Variants in SYNE2 observed in about 807,000 individuals in gnomAD.
SYNE2 encodes nesprin-2.
In SYNE2, 431 loss-of-function variants were observed where a neutral mutation model predicts 856.3. The ratio of observed to expected loss-of-function variants is 0.50; its 90% confidence interval spans 0.47 to 0.55. SYNE2 has a LOEUF of 0.55. SYNE2 is among the 20% of genes least tolerant of loss of function. SYNE2 has a pLI of 0.00. For missense variants in SYNE2, 8,129 were observed against 8,023.2 expected, an observed-to-expected ratio of 1.01 and a Z score of -0.50; for synonymous variants, 2,923 against 2,872.3, an observed-to-expected ratio of 1.02 and a Z score of -0.56.
chr14:63,780,053 T>C (rs572719258), intron 1 of SYNE2, among the ~76,000 whole-genome samples: 5 of 152,208 alleles, frequency 3.3e-5, no homozygotes, highest in African/African-American at 9.7e-5. Context: ...CCCAAGATCA[T>C]AGGACACATG....
chr14:63,818,768 G>A (rs1254701113), intron 1 of SYNE2, among the ~76,000 whole-genome samples: 7 of 144,740 alleles, frequency 4.8e-5, no homozygotes, highest in African/African-American at 7.6e-5. Flanking sequence ...GCTCGATCTC[G>A]GCTCACTGCA....
chr14:63,990,705 T>C, intron 20 of SYNE2, 136 bp downstream of exon 20: 1 of 860,506 alleles, frequency 1.2e-6, no homozygotes, highest in East Asian at 2.6e-5. Context: ...TATGTTTTAT[T>C]TCTTTATAAT....
chr14:64,139,514 C>T lies in SYNE2; in HGVS notation c.14844-427C>T, dbSNP rs1364324513. On this transcript the variant is annotated intron_variant, in intron 79 of 115. Transcript: ENST00000555002. ...GCAACCTCCACCTCTTGGGTTCAGGCGATTCTCCTGCCTCAGCCTCCTGAG... is the reference window on the plus strand; with the variant it reads ...GCAACCTCCACCTCTTGGGTTCAGGTGATTCTCCTGCCTCAGCCTCCTGAG... Among the ~76,000 whole-genome samples the T allele has an allele frequency of 7.2e-5, 11 of 151,904 alleles. 1 individual carries two copies. Among genetic ancestry groups the T allele is most frequent in the South Asian group, 4.2e-4 (2 of 4,804 alleles).
chr14:63,823,060 T>C (rs1221434784), intron 1 of SYNE2, among the ~76,000 whole-genome samples: 1 of 151,586 alleles, frequency 6.6e-6, no homozygotes, highest in Non-Finnish European at 1.5e-5. Flanking sequence ...GCTATGACCA[T>C]GCTACTGCAC....
chr14:64,131,148 T>A (rs1046348398), intron 76 of SYNE2, among the ~76,000 whole-genome samples: 6 of 152,106 alleles, frequency 3.9e-5, no homozygotes, highest in Admixed American at 6.5e-5. Context: ...GAAAGGTAAA[T>A]ATTGTATGAA....
chr14:64,131,935 G>GT (rs1045746917), intron 76 of SYNE2, among the ~76,000 whole-genome samples: 31 of 150,182 alleles, frequency 2.1e-4, no homozygotes, highest in Admixed American at 3.3e-4. Context: ...TTTGTTTTTT[G>GT]TTTTTTTTTC....
At chr14:64,193,529 G>C (rs529035785) in intron 99 of SYNE2, among the ~76,000 whole-genome samples, 2 of 151,904 alleles carry the variant, frequency 1.3e-5, no homozygotes, top group South Asian at 4.2e-4. Flanking sequence ...CAACCTGGGT[G>C]ACAGAGCGAA....
rs1400210235 is a variant in SYNE2 at position 64,002,949 on chromosome 14, C to T, written c.4016C>T (p.Ala1339Val). 7.4e-6 allele frequency: 12 copies of T among 1,614,210 alleles called. No individual in the cohort carries two copies. The highest frequency in any genetic ancestry group is 1.6e-4 in the Middle Eastern group (1 of 6,062). The change falls in exon 30 of 116, where the codon GCT becomes GTT. Residue 1339 changes from alanine to valine, a missense_variant. By Grantham distance (64) the Ala-to-Val change is moderately conservative (BLOSUM62 0). Transcript: ENST00000555002. ...TCTCTCAGAACAGCTAAACTCTCTG[C>T]TGAGCCCGTTACAGACCTTTCAGCC... ...LASLRTAKLS[A>V]EPVTDLSASD...
Position 64,160,932 on chromosome 14 carries a change from G to T in SYNE2, c.16095-1140G>T, listed in dbSNP as rs372111424. Among the ~76,000 whole-genome samples the T allele has an allele frequency of 5.8e-4, 88 of 151,790 alleles. No individual in the cohort carries two copies. In the East Asian group the frequency reaches 0.01, roughly 18 times the overall value. On this transcript the variant is annotated intron_variant, in intron 87 of 115. Transcript: ENST00000555002. ...CATACTAAACAGGAATTAAACTAAG[G>T]AATTTAGCAATTAAACTAAGGAAAC...
upstream of SYNE2, among the ~76,000 whole-genome samples, chr14:63,761,627 A>G (rs1334594960): frequency 6.6e-6 from 1 of 152,186 alleles, no homozygotes; most frequent in Non-Finnish European, 1.5e-5. Context: ...CTTCAGGTAT[A>G]GGGAGAATAC....
chr14:63,885,551 A>G (rs1180041288), intron 1 of SYNE2, among the ~76,000 whole-genome samples: 1 of 152,132 alleles, frequency 6.6e-6, no homozygotes, highest in Non-Finnish European at 1.5e-5. Context: ...TTAATTCTGG[A>G]CCATTTAACT....
intron 2 of SYNE2, among the ~76,000 whole-genome samples, chr14:63,936,068 T>C (rs2095827777): frequency 6.6e-6 from 1 of 152,106 alleles, no homozygotes; most frequent in South Asian, 2.1e-4. Flanking sequence ...AGAGATGGGG[T>C]TTCACCATGT....
intron 70 of SYNE2, among the ~76,000 whole-genome samples, chr14:64,123,426 A>G (rs544742727): frequency 6.6e-6 from 1 of 152,354 alleles, no homozygotes; most frequent in East Asian, 1.9e-4. Flanking sequence ...CCAGTCTGAT[A>G]GGACTTCTCA....
chr14:63,957,877 A>C (rs1011028281), intron 8 of SYNE2, among the ~76,000 whole-genome samples: 1 of 152,000 alleles, frequency 6.6e-6, no homozygotes, highest in Non-Finnish European at 1.5e-5. Context: ...CAGACTTGGG[A>C]GAGTTATGCT....
At chr14:64,175,190 A>G in intron 95 of SYNE2, 52 bp downstream of exon 95, 1 of 1,599,380 alleles carries the variant, frequency 6.3e-7, no homozygotes, top group East Asian at 2.2e-5. Flanking sequence ...CAGTACATAG[A>G]TTTTCATTTG....
chr14:63,930,666 C>T (rs1028061145), intron 2 of SYNE2, among the ~76,000 whole-genome samples: 1 of 151,886 alleles, frequency 6.6e-6, no homozygotes, highest in African/African-American at 2.4e-5. Flanking sequence ...TCCCAAGTAG[C>T]TGGGATTACA....
intron 1 of SYNE2, among the ~76,000 whole-genome samples, chr14:63,826,080 T>C (rs934052900): frequency 6.6e-6 from 1 of 152,050 alleles, no homozygotes; most frequent in Non-Finnish European, 1.5e-5. Context: ...GAACCCAGAA[T>C]AGTGAAAGCA....
intron 1 of SYNE2, among the ~76,000 whole-genome samples, chr14:63,822,578 A>G (rs994188978): frequency 6.6e-6 from 1 of 152,236 alleles, no homozygotes; most frequent in African/African-American, 2.4e-5. Context: ...TAAAAAGGAA[A>G]ACTGTGGAAT....
intron 88 of SYNE2, chr14:64,162,591 G>T: frequency 2.5e-6 from 1 of 404,716 alleles, no homozygotes; most frequent in Non-Finnish European, 4.7e-6. Flanking sequence ...TCTCAACTGA[G>T]TGTGACCCTG....
Sources: gnomAD v4.1 joint callset for allele counts (sites outside exome capture counted in the v4.1 genomes callset) on GRCh38, gnomAD v4.1.1 for gene constraint, MANE v1.5 for transcripts, NCBI Gene and HGNC (gene_info 2026-07-23, HGNC 2026-07-21) for gene names.